FOXP2: variants seen among roughly 807,000 people sequenced by gnomAD.
FOXP2 encodes the protein forkhead box P2, also known as forkhead box protein P2.
Under a neutral mutation model 115.8 loss-of-function variants are expected in FOXP2, and 12 were observed. The observed-to-expected ratio is 0.10, with a 90% CI of 0.07 to 0.17. FOXP2 has a LOEUF of 0.17. FOXP2 is among the 10% of genes least tolerant of loss of function. The pLI is 1.00. For missense variants in FOXP2, 629 were observed against 843.5 expected, an observed-to-expected ratio of 0.75 and a Z score of 3.15; for synonymous variants, 328 against 297.7, an observed-to-expected ratio of 1.10 and a Z score of -1.05.
rs73434192 is a variant in FOXP2 at position 114,464,353 on chromosome 7, G to A, written c.168+37674G>A. Among the ~76,000 whole-genome samples, 1,076 of 152,242 alleles carry A rather than the reference G, an allele frequency of 7.1e-3. 11 individuals are homozygous for A. Among genetic ancestry groups the A allele is most frequent in the African/African-American group, 0.025 (1,021 of 41,550 alleles). On this transcript the variant is annotated intron_variant, in intron 2 of 16. Transcript: ENST00000350908. ...GACTTATGACCTTTAAAAAAGGAAA[G>A]CAGTGTTCACTAGAAGCAACCATGA... is the stretch of plus-strand genomic sequence containing the variant.
intron 1 of FOXP2, among the ~76,000 whole-genome samples, chr7:114,271,668 AT>A (rs1362037725): frequency 8.5e-6 from 1 of 118,258 alleles, no homozygotes; most frequent in Non-Finnish European, 1.6e-5. Flanking sequence ...TATTAAATAT[AT>A]TATTTAAAAT....
chr7:114,420,121 G>A (rs1793551271), intron 1 of FOXP2, among the ~76,000 whole-genome samples: 2 of 151,914 alleles, frequency 1.3e-5, no homozygotes, highest in African/African-American at 2.4e-5. Context: ...ACTGAAGATT[G>A]AAGTAAAGTA....
intron 2 of FOXP2, among the ~76,000 whole-genome samples, chr7:114,482,552 A>G: frequency 6.6e-6 from 1 of 151,564 alleles, no homozygotes; most frequent in Non-Finnish European, 1.5e-5. Flanking sequence ...GAATACACCA[A>G]CATTCTCAGT....
chr7:114,581,148 C>CGTTT (rs1201083337), intron 3 of FOXP2, among the ~76,000 whole-genome samples: 1 of 140,052 alleles, frequency 7.1e-6, no homozygotes, highest in Non-Finnish European at 1.5e-5. Flanking sequence ...TATCTTCTTC[C>CGTTT]GTTTATTTAT....
At chr7:114,160,588 A>T (rs1478009740), upstream of FOXP2, among the ~76,000 whole-genome samples, 1 of 152,192 alleles carries the variant, frequency 6.6e-6, no homozygotes, top group African/African-American at 2.4e-5. Flanking sequence ...AATGACTACC[A>T]GCATACTTGA....
At chr7:114,619,546 A>G (rs1188056571) in intron 3 of FOXP2, among the ~76,000 whole-genome samples, 3 of 152,074 alleles carry the variant, frequency 2.0e-5, no homozygotes, top group Non-Finnish European at 4.4e-5. Context: ...TTTCATTGTG[A>G]ATTGGATATG....
chr7:114,205,290 A>G (rs1031242043), intron 1 of FOXP2, among the ~76,000 whole-genome samples: 1 of 152,174 alleles, frequency 6.6e-6, no homozygotes, highest in African/African-American at 2.4e-5. Context: ...CGCTCAACAA[A>G]AGAAACAAAA....
At chr7:114,188,551 CT>C (rs1334621349) in intron 1 of FOXP2, among the ~76,000 whole-genome samples, 1 of 151,952 alleles carries the variant, frequency 6.6e-6, no homozygotes, top group African/African-American at 2.4e-5. Flanking sequence ...CTCCTCAATC[CT>C]TTTTTTTATA....
chr7:114,637,655 G>A (rs1217594283), intron 6 of FOXP2, among the ~76,000 whole-genome samples: 2 of 152,064 alleles, frequency 1.3e-5, no homozygotes, highest in African/African-American at 2.4e-5. Context: ...TAGTGTAGAA[G>A]GCAGATGATA....
intron 16 of FOXP2, among the ~76,000 whole-genome samples, chr7:114,683,475 T>TA (rs1157056574): frequency 6.6e-6 from 1 of 152,202 alleles, no homozygotes; most frequent in Non-Finnish European, 1.5e-5. Flanking sequence ...TACTCATCTG[T>TA]AAAATGGGAA....
At chr7:114,590,313 T>C (rs1802379514) in intron 3 of FOXP2, among the ~76,000 whole-genome samples, 1 of 152,182 alleles carries the variant, frequency 6.6e-6, no homozygotes, top group South Asian at 2.1e-4. Context: ...GTAATAAAAA[T>C]TTAAAGCCAT....
chr7:114,245,928 A>G (rs1795273260), intron 1 of FOXP2, among the ~76,000 whole-genome samples: 1 of 152,208 alleles, frequency 6.6e-6, no homozygotes, highest in Non-Finnish European at 1.5e-5. Flanking sequence ...AATTGTCAAA[A>G]TTAGTCAAGA....
chr7:114,164,101 G>A (rs1043261381), intron 1 of FOXP2, among the ~76,000 whole-genome samples: 5 of 152,110 alleles, frequency 3.3e-5, no homozygotes, highest in East Asian at 1.9e-4. Flanking sequence ...AGTGGCCCAC[G>A]GTGAAAAATC....
chr7:114,353,258 G>T (rs1791536684), intron 2 of FOXP2, among the ~76,000 whole-genome samples: 1 of 150,970 alleles, frequency 6.6e-6, no homozygotes, highest in Non-Finnish European at 1.5e-5. Flanking sequence ...CTTCTCCAGG[G>T]CTCCCTTTTT....
chr7:114,191,664 C>A (rs1029730350), intron 1 of FOXP2, among the ~76,000 whole-genome samples: 1 of 152,166 alleles, frequency 6.6e-6, no homozygotes, highest in African/African-American at 2.4e-5. Context: ...TTTGTAAGTA[C>A]AGAGTTTCCA....
chr7:114,202,794 A>C (rs983762481), intron 1 of FOXP2, among the ~76,000 whole-genome samples: 4 of 152,206 alleles, frequency 2.6e-5, no homozygotes, highest in Non-Finnish European at 5.9e-5. Flanking sequence ...GAGACAGTGC[A>C]TATAAAATGC....
At chr7:114,448,437 T>G (rs111486142) in intron 2 of FOXP2, among the ~76,000 whole-genome samples, 1 of 152,094 alleles carries the variant, frequency 6.6e-6, no homozygotes. Flanking sequence ...GTACTTCAAG[T>G]GTCACCATAA....
intron 8 of FOXP2, among the ~76,000 whole-genome samples, chr7:114,646,329 AT>A (rs1805889470): frequency 6.6e-6 from 1 of 151,968 alleles, no homozygotes; most frequent in Non-Finnish European, 1.5e-5. Context: ...AAAAATACAT[AT>A]TTTCCTTCAG....
Position 114,292,353 on chromosome 7 carries a change from T to TA in FOXP2, c.-11+4245dup, listed in dbSNP as rs536024155. Among the ~76,000 whole-genome samples the TA allele has an allele frequency of 3.3e-4, 50 of 152,300 alleles. No homozygotes were observed. In the South Asian group the frequency reaches 9.7e-3, roughly 30 times the overall value. On this transcript the variant is annotated intron_variant, in intron 2 of 17. Coordinates refer to the FOXP2 transcript ENST00000634411. Reference sequence around the variant, plus strand: ...AAATTTTATTTTCATAGAGTTTTCTTACAGTACAGTTCCCAGCAGACTATT... The same window carrying TA: ...AAATTTTATTTTCATAGAGTTTTCTTAACAGTACAGTTCCCAGCAGACTATT...
Sources: allele counts gnomAD v4.1 joint callset (sites outside exome capture counted in the v4.1 genomes callset), GRCh38; gene constraint gnomAD v4.1.1; transcripts MANE v1.5; gene names NCBI Gene and HGNC (gene_info 2026-07-23, HGNC 2026-07-21).